The following PDE1C variants were observed in gnomAD, a reference collection of about 807,000 sequenced individuals.
PDE1C encodes the protein dual specificity calcium/calmodulin-dependent 3',5'-cyclic nucleotide phosphodiesterase 1C.
In PDE1C, 62 loss-of-function variants were observed where a neutral mutation model predicts 93.1. The ratio of observed to expected loss-of-function variants is 0.67; its 90% confidence interval spans 0.54 to 0.82. The LOEUF (loss-of-function observed/expected upper bound fraction) is 0.82, where lower values mean the gene tolerates loss of function less well. PDE1C is among the 40% of genes least tolerant of loss of function. The pLI, the probability that PDE1C is intolerant of heterozygous loss-of-function variation, is 0.00. For missense variants in PDE1C, 742 were observed against 884.6 expected (o/e 0.84, Z 2.04); for synonymous variants, 325 against 310.1 (o/e 1.05, Z -0.50).
chr7:31,641,664 T>A, the PDE1C span, among the ~76,000 whole-genome samples: 1 of 152,178 alleles, frequency 6.6e-6, no homozygotes, highest in Non-Finnish European at 1.5e-5. Context: ...TGTCCCAGCC[T>A]CTTCTGGTGG....
the PDE1C span, among the ~76,000 whole-genome samples, chr7:31,691,725 T>C: frequency 1.3e-5 from 2 of 150,554 alleles, no homozygotes; most frequent in African/African-American, 4.9e-5. Flanking sequence ...CCTACCATGT[T>C]TCTACCACCA....
intron 3 of PDE1C, among the ~76,000 whole-genome samples, chr7:32,090,739 C>T (rs1481065970): frequency 2.0e-5 from 3 of 152,098 alleles, no homozygotes; most frequent in Non-Finnish European, 4.4e-5. Flanking sequence ...CCTATTTGAA[C>T]AAAATAGGTT....
At chr7:32,299,581 C>T (rs1311982678), upstream of PDE1C, among the ~76,000 whole-genome samples, 1 of 152,240 alleles carries the variant, frequency 6.6e-6, no homozygotes, top group Non-Finnish European at 1.5e-5. Context: ...TGGAAGATAT[C>T]TTACCAATCC....
At chr7:32,086,692 A>G (rs1036354072) in intron 3 of PDE1C, among the ~76,000 whole-genome samples, 15 of 152,354 alleles carry the variant, frequency 9.8e-5, no homozygotes, top group Non-Finnish European at 2.1e-4. Context: ...GCACTAAGAA[A>G]TAACACCGCA....
intron 1 of PDE1C, among the ~76,000 whole-genome samples, chr7:32,054,828 A>T (rs1793853438): frequency 6.6e-6 from 1 of 152,224 alleles, no homozygotes; most frequent in African/African-American, 2.4e-5. Flanking sequence ...TTAAAGCACA[A>T]GAGAAAATGC....
chr7:32,057,398 T>A (rs75492340), intron 1 of PDE1C, among the ~76,000 whole-genome samples: 1 of 152,240 alleles, frequency 6.6e-6, no homozygotes, highest in African/African-American at 2.4e-5. Flanking sequence ...CATGTGTGTG[T>A]GTGCGTGCAC....
the PDE1C span, among the ~76,000 whole-genome samples, chr7:31,725,581 G>C: frequency 3.3e-5 from 5 of 152,128 alleles, no homozygotes; most frequent in Non-Finnish European, 7.4e-5. Flanking sequence ...CTGTCCATCA[G>C]GAGTGAGGGA....
chr7:31,695,639 C>G, the PDE1C span: 2 of 1,604,704 alleles, frequency 1.2e-6, no homozygotes, highest in Non-Finnish European at 1.7e-6. Flanking sequence ...ACAAAGTCAT[C>G]TGCACAGCTG....
At chr7:32,116,154 G>A (rs919120542) in intron 3 of PDE1C, among the ~76,000 whole-genome samples, 2 of 152,288 alleles carry the variant, frequency 1.3e-5, no homozygotes, top group Middle Eastern at 3.4e-3. Flanking sequence ...ACTTCCGTGG[G>A]ATGGAACTAC....
chr7:32,412,455 C>CAAAAAAAAAAAAA (rs34753013), intron 1 of PDE1C, among the ~76,000 whole-genome samples: 1 of 85,526 alleles, frequency 1.2e-5, no homozygotes, highest in African/African-American at 3.5e-5. Flanking sequence ...GACCCTGTCT[C>CAAAAAAAAAAAAA]AAAAAAAAAA....
intron 12 of PDE1C, among the ~76,000 whole-genome samples, chr7:31,827,517 T>C (rs1466540830): frequency 6.6e-6 from 1 of 152,150 alleles, no homozygotes; most frequent in Non-Finnish European, 1.5e-5. Flanking sequence ...AGGTACCATA[T>C]ATAATTTGTC....
At chr7:31,704,191 A>T in the PDE1C span, among the ~76,000 whole-genome samples, 1 of 152,218 alleles carries the variant, frequency 6.6e-6, no homozygotes, top group Non-Finnish European at 1.5e-5. Context: ...CTAGAAAGGG[A>T]TCAGGATGTC....
chr7:32,412,492 C>T (rs558758352), intron 1 of PDE1C, among the ~76,000 whole-genome samples: 4 of 150,030 alleles, frequency 2.7e-5, no homozygotes, highest in African/African-American at 9.9e-5. Flanking sequence ...ACACATAAAT[C>T]AGTAACATAG....
intron 1 of PDE1C, among the ~76,000 whole-genome samples, chr7:32,244,046 T>A (rs930363657): frequency 6.6e-6 from 1 of 151,940 alleles, no homozygotes; most frequent in Non-Finnish European, 1.5e-5. Context: ...TCTCAGTGAG[T>A]TCCTTCTACA....
chr7:31,839,657 T>C (rs1791594656), intron 9 of PDE1C, among the ~76,000 whole-genome samples: 1 of 152,224 alleles, frequency 6.6e-6, no homozygotes, highest in Admixed American at 6.5e-5. Flanking sequence ...CATACATAAA[T>C]CTTTGTGTAG....
chr7:31,923,365 G>C (rs1030762301), intron 2 of PDE1C, among the ~76,000 whole-genome samples: 1 of 152,152 alleles, frequency 6.6e-6, no homozygotes, highest in African/African-American at 2.4e-5. Flanking sequence ...GAACCTGGGG[G>C]TGGGAGGTGG....
intron 2 of PDE1C, among the ~76,000 whole-genome samples, chr7:32,175,949 T>C (rs556610256): frequency 5.3e-4 from 80 of 152,350 alleles, no homozygotes; most frequent in South Asian, 4.8e-3. Flanking sequence ...TCACATCCAT[T>C]AAGTAAATTT....
intron 3 of PDE1C, among the ~76,000 whole-genome samples, chr7:32,143,813 A>G (rs928244046): frequency 1.3e-5 from 2 of 152,198 alleles, no homozygotes; most frequent in African/African-American, 2.4e-5. Context: ...TATTACAGAC[A>G]TAAATTAAAG....
In PDE1C at chr7:32,004,201, A is replaced by T. The variant is rs926833252; in HGVS notation, c.128+47353T>A. On this transcript the variant is annotated intron_variant, in intron 2 of 17. Coordinates refer to ENST00000396191, the MANE Select transcript of PDE1C (RefSeq NM_001191057.4). ...TTGGGTGCAGTTTAGATACCTGGGG[A>T]AAACCTCTGTTGTTTTACTGCCTAT... Among the ~76,000 whole-genome samples the T allele has an allele frequency of 6.6e-5, 10 of 152,114 alleles. 1 individual carries two copies. The highest frequency in any genetic ancestry group is 5.2e-4 in the Admixed American group (8 of 15,268).
Sources: allele counts gnomAD v4.1 joint callset (sites outside exome capture counted in the v4.1 genomes callset), GRCh38; gene constraint gnomAD v4.1.1; transcripts MANE v1.5; gene names NCBI Gene and HGNC (gene_info 2026-07-23, HGNC 2026-07-21).